The following DERL3 variants were observed in gnomAD, a reference collection of about 807,000 sequenced individuals.
DERL3 encodes the protein derlin 3, also known as derlin-3.
A neutral mutation model predicts 23.8 loss-of-function variants in DERL3; 20 were observed. The observed-to-expected ratio is 0.84, with a 90% CI of 0.59 to 1.22. The LOEUF (loss-of-function observed/expected upper bound fraction) is 1.22. DERL3 is among the 50% of genes most tolerant of loss of function. DERL3 has a pLI of 0.00. For synonymous variants in DERL3, 145 were observed against 132.5 expected, an observed-to-expected ratio of 1.09 and a Z score of -0.65; for missense variants, 319 against 304.1, an observed-to-expected ratio of 1.05 and a Z score of -0.36.
At position 23,836,114 on chromosome 22, in the gene DERL3, C is replaced by T. The variant is rs1226859182; in HGVS notation, c.*755G>A. 3.0e-6 allele frequency: 3 copies of T among 985,328 alleles called. No individual in the cohort carries two copies. Among genetic ancestry groups the T allele is most frequent in the Non-Finnish European group, 3.6e-6 (3 of 829,968 alleles). 61.0% of individuals were successfully genotyped at this position (985,328 alleles called of 1,614,324 possible). A position where few individuals can be genotyped will look rare whatever the true frequency, so the allele number is the denominator to read the frequency against. On this transcript the variant is annotated 3_prime_UTR_variant, in exon 7 of 7. Coordinates refer to ENST00000318109, the MANE Select transcript of DERL3 (RefSeq NM_001002862.3). ...GTCGGATAAGGCTCACACACGTCCTCAGCTAAAAAGGGCAGGAACAGAACC... is the reference window on the plus strand; with the variant it reads ...GTCGGATAAGGCTCACACACGTCCTTAGCTAAAAAGGGCAGGAACAGAACC...
intron 5 of DERL3, 46 bp downstream of exon 5, chr22:23,837,613 G>C: frequency 6.3e-7 from 1 of 1,585,438 alleles, no homozygotes; most frequent in Non-Finnish European, 8.6e-7. Flanking sequence ...CGTGTCCTGA[G>C]GGGAGTGGCC....
At position 23,836,525 on chromosome 22, in the gene DERL3, C is replaced by T. The variant is rs1463632303; in HGVS notation, c.*344G>A. ...GTGGGGCCAGGATGAGAACCCTGAG[C>T]CTGTCACCTGTGAGCTCAAAAGCTC... On this transcript the variant is annotated 3_prime_UTR_variant, in exon 7 of 7. Coordinates refer to ENST00000318109, the MANE Select transcript of DERL3 (RefSeq NM_001002862.3). 1 of 1,036,628 alleles carries T rather than the reference C, an allele frequency of 9.6e-7. No individual in the cohort carries two copies. The highest frequency in any genetic ancestry group is 1.2e-6 in the Non-Finnish European group (1 of 864,738). 64.2% of individuals were successfully genotyped at this position (1,036,628 alleles called of 1,614,324 possible).
At chr22:23,837,949 C>G (rs2031233790) in intron 4 of DERL3, 95 bp from the exon 5 acceptor site, 6 of 1,329,534 alleles carry the variant, frequency 4.5e-6, no homozygotes, top group South Asian at 1.4e-5. Flanking sequence ...CCTCATCTCC[C>G]CTATGTGCTA....
In DERL3 at chr22:23,838,452, C is replaced by T. The variant is rs1365345232; in HGVS notation, c.234-7G>A. The T allele has an allele frequency of 2.5e-6, 4 of 1,597,740 alleles. 1 individual carries two copies. The Admixed American group carries it at 6.9e-5, about 28-fold the overall frequency. Reference sequence around the variant, plus strand: ...CATGCGGCAGTAGCGGAACCTACGGCGTCGGTATAGGAAGTGCCACCAGGC... The same window carrying T: ...CATGCGGCAGTAGCGGAACCTACGGTGTCGGTATAGGAAGTGCCACCAGGC... On this transcript the variant is annotated splice_polypyrimidine_tract_variant and splice_region_variant and intron_variant, in intron 3 of 6. Coordinates refer to ENST00000318109, the MANE Select transcript of DERL3 (RefSeq NM_001002862.3).
chr22:23,837,296 C>T (rs1471886159), intron 5 of DERL3, 142 bp from the exon 6 acceptor site: 2 of 1,125,182 alleles, frequency 1.8e-6, no homozygotes, highest in East Asian at 5.2e-5. Flanking sequence ...GCACAGAGTG[C>T]CAGCCCCGGG....
In DERL3 at chr22:23,836,138, C is replaced by A; in HGVS notation, c.*731G>T. 1.0e-6 allele frequency: 1 copy of A among 985,428 alleles called. No homozygotes were observed. Among genetic ancestry groups the A allele is most frequent in the Non-Finnish European group, 1.2e-6 (1 of 829,948 alleles). 61.0% of individuals were successfully genotyped at this position (985,428 alleles called of 1,614,324 possible). ...TCAGCTAAAAAGGGCAGGAACAGAA[C>A]CTTCCAGAAGTCCCTGCCTCACCCA... On this transcript the variant is annotated 3_prime_UTR_variant, in exon 7 of 7. Transcript: ENST00000318109.
At position 23,836,414 on chromosome 22, in the gene DERL3, G is replaced by A; in HGVS notation, c.*455C>T. ...CACAACCTAGGAGACGCCTGTCCTG[G>A]CCCCAGCAGCCGAAATCTGGTGAAC... is the stretch of plus-strand genomic sequence containing the variant. On this transcript the variant is annotated 3_prime_UTR_variant, in exon 7 of 7. Transcript: ENST00000318109. 1.0e-6 allele frequency: 1 copy of A among 987,648 alleles called. No homozygotes were observed. The highest frequency in any genetic ancestry group is 1.2e-6 in the Non-Finnish European group (1 of 831,568). 61.2% of individuals were successfully genotyped at this position (987,648 alleles called of 1,614,324 possible).
chr22:23,834,624 A>C lies in DERL3; in HGVS notation c.*2245T>G. On this transcript the variant is annotated 3_prime_UTR_variant, in exon 7 of 7. Coordinates refer to ENST00000318109, the MANE Select transcript of DERL3 (RefSeq NM_001002862.3). ...TGGTATGTGAACAAGGTTGGCACACAGGCCTCACCCTCCTCTGCCTCAGAT... is the reference window on the plus strand; with the variant it reads ...TGGTATGTGAACAAGGTTGGCACACCGGCCTCACCCTCCTCTGCCTCAGAT... The C allele has an allele frequency of 1.3e-6, 1 of 774,450 alleles. No homozygotes were observed. The allele number at this position is 774,450 out of a possible 1,614,324, so 48.0% of individuals were successfully genotyped here. A position where few individuals can be genotyped will look rare whatever the true frequency, so the allele number is the denominator to read the frequency against.
chr22:23,834,793 G>A lies in DERL3; in HGVS notation c.*2076C>T. 6.3e-7 allele frequency: 1 copy of A among 1,587,888 alleles called. No homozygotes were observed. The highest frequency in any genetic ancestry group is 8.6e-7 in the Non-Finnish European group (1 of 1,168,682). On this transcript the variant is annotated 3_prime_UTR_variant, in exon 7 of 7. Transcript: ENST00000318109. ...AGGGCAAGAGGCTCTCTGCCTTTCA[G>A]GAACAGCCCTAACCCTGCTCCCCTT... is the stretch of plus-strand genomic sequence containing the variant.
rs1601450856 is a variant in DERL3, at chr22:23,835,465, G to T, written c.*1404C>A. The stretch of plus-strand genomic sequence containing the variant: ...GGGCCCCATGTGGGGCAGAGGCAGA[G>T]CTCTGATTAGGGATTGGGGTTCTTG... On this transcript the variant is annotated 3_prime_UTR_variant, in exon 7 of 7. Transcript: ENST00000318109. 5 of 985,848 alleles carry T rather than the reference G, an allele frequency of 5.1e-6. No individual in the cohort carries two copies. In the South Asian group the frequency reaches 2.3e-4, roughly 46 times the overall value. The allele number at this position is 985,848 out of a possible 1,614,324, so 61.1% of individuals were successfully genotyped here.
chr22:23,836,464 GAGGCCTATGGTGGGC>G lies in DERL3; in HGVS notation c.*390_*404del, dbSNP rs2031057480. On this transcript the variant is annotated 3_prime_UTR_variant, in exon 7 of 7. Coordinates refer to ENST00000318109, the MANE Select transcript of DERL3 (RefSeq NM_001002862.3). ...CTTCCCCGCTGACTGGCAGGTAGCA[GAGGCCTATGGTGGGC>G]AGGACTTGCCCAAGGCCCTGGTGGG... 2.0e-6 allele frequency: 2 copies of G among 995,744 alleles called. No individual in the cohort carries two copies. Among genetic ancestry groups the G allele is most frequent in the African/African-American group, 1.7e-5 (1 of 57,736 alleles). The allele number at this position is 995,744 out of a possible 1,614,324, so 61.7% of individuals were successfully genotyped here.
Position 23,835,170 on chromosome 22 carries a change from G to A in DERL3, c.*1699C>T, listed in dbSNP as rs2030943668. The A allele has an allele frequency of 1.6e-6, 2 of 1,287,564 alleles. No homozygotes were observed. The highest frequency in any genetic ancestry group is 7.6e-5 in the Admixed American group (2 of 26,174). 79.8% of individuals were successfully genotyped at this position (1,287,564 alleles called of 1,614,324 possible). On this transcript the variant is annotated 3_prime_UTR_variant, in exon 7 of 7. Transcript: ENST00000318109. The stretch of plus-strand genomic sequence containing the variant: ...TGACACGGTACAGGGAGGAGACACA[G>A]CCCAGGGTCCCTTCCCAGCCCTGCC...
Position 23,836,623 on chromosome 22 carries a change from C to T in DERL3, c.*246G>A. ...GTTTCTTTGCCCTCTGTGGGCACCCCTATCCTACCACCTGCAGTTGGGCTG... is the reference window on the plus strand; with the variant it reads ...GTTTCTTTGCCCTCTGTGGGCACCCTTATCCTACCACCTGCAGTTGGGCTG... On this transcript the variant is annotated 3_prime_UTR_variant, in exon 7 of 7. Coordinates refer to ENST00000318109, the MANE Select transcript of DERL3 (RefSeq NM_001002862.3). 1.5e-5 allele frequency: 18 copies of T among 1,229,872 alleles called. No homozygotes were observed. Among genetic ancestry groups the T allele is most frequent in the Non-Finnish European group, 1.7e-5 (17 of 988,894 alleles). 76.2% of individuals were successfully genotyped at this position (1,229,872 alleles called of 1,614,324 possible). A position where few individuals can be genotyped will look rare whatever the true frequency, so the allele number is the denominator to read the frequency against.
intron 4 of DERL3, chr22:23,838,104 A>T (rs1272251752): frequency 6.6e-7 from 1 of 1,507,736 alleles, no homozygotes; most frequent in Non-Finnish European, 8.9e-7. Flanking sequence ...GGCTACTCGC[A>T]TTCAGGGCTC....
Position 23,836,968 on chromosome 22 carries a change from G to A in DERL3, c.615-6C>T, listed in dbSNP as rs778382348. On this transcript the variant is annotated splice_region_variant and splice_polypyrimidine_tract_variant and intron_variant, in intron 6 of 6. Transcript: ENST00000318109. ...GGGCATCCAGGAGCAGCTTTCTGTG[G>A]GGAGGGGCCCGTGTTGAGCACAGGC... The A allele has an allele frequency of 1.2e-6, 2 of 1,601,594 alleles. No individual in the cohort carries two copies. The highest frequency in any genetic ancestry group is 1.1e-5 in the South Asian group (1 of 89,478).
At position 23,835,393 on chromosome 22, in the gene DERL3, G is replaced by A; in HGVS notation, c.*1476C>T. 1 of 988,600 alleles carries A rather than the reference G, an allele frequency of 1.0e-6. No homozygotes were observed. The highest frequency in any genetic ancestry group is 1.7e-5 in the African/African-American group (1 of 57,540). 61.2% of individuals were successfully genotyped at this position (988,600 alleles called of 1,614,324 possible). On this transcript the variant is annotated 3_prime_UTR_variant, in exon 7 of 7. Transcript: ENST00000318109. ...GCTGTTGGCAGGTCCCATGCTGCCA[G>A]GGCAGGGCTAGGGTCAGAGGCTGCT...
chr22:23,837,656 C>T lies in DERL3; in HGVS notation c.523+3G>A, dbSNP rs748285231. 6.2e-7 allele frequency: 1 copy of T among 1,611,492 alleles called. No individual in the cohort carries two copies. The highest frequency in any genetic ancestry group is 1.7e-5 in the Admixed American group (1 of 59,936). On this transcript the variant is annotated splice_donor_region_variant and intron_variant, in intron 5 of 6. Coordinates refer to ENST00000318109, the MANE Select transcript of DERL3 (RefSeq NM_001002862.3). ...GGCGGACTAGATGTACCGGGAGGCT[C>T]ACCCAGCAGGTCCACGAGGATGGAG...
rs1405021865 is a variant in DERL3, at chr22:23,835,888, C to T, written c.*981G>A. On this transcript the variant is annotated 3_prime_UTR_variant, in exon 7 of 7. Transcript: ENST00000318109. ...CTCACTCCTGACCGCCAGCTCACAC[C>T]GCCGCAAAGCCATCTCCACAAGGTC... The T allele has an allele frequency of 7.1e-6, 7 of 985,484 alleles. No individual in the cohort carries two copies. Among genetic ancestry groups the T allele is most frequent in the African/African-American group, 1.7e-5 (1 of 57,356 alleles). The allele number at this position is 985,484 out of a possible 1,614,324, so 61.0% of individuals were successfully genotyped here. A position where few individuals can be genotyped will look rare whatever the true frequency, so the allele number is the denominator to read the frequency against.
In DERL3 at chr22:23,836,151, C is replaced by G. The variant is rs1668150370; in HGVS notation, c.*718G>C. ...GCAGGAACAGAACCTTCCAGAAGTC[C>G]CTGCCTCACCCAGTCTCAGAACTCT... On this transcript the variant is annotated 3_prime_UTR_variant, in exon 7 of 7. Coordinates refer to ENST00000318109, the MANE Select transcript of DERL3 (RefSeq NM_001002862.3). 1.0e-6 allele frequency: 1 copy of G among 985,414 alleles called. No individual in the cohort carries two copies. 61.0% of individuals were successfully genotyped at this position (985,414 alleles called of 1,614,324 possible).
Sources: gnomAD v4.1 joint callset for allele counts on GRCh38, gnomAD v4.1.1 for gene constraint, MANE v1.5 for transcripts, NCBI Gene and HGNC (gene_info 2026-07-23, HGNC 2026-07-21) for gene names.